PIK3C2A: variants seen among roughly 807,000 people sequenced by gnomAD.
PIK3C2A encodes phosphatidylinositol-4-phosphate 3-kinase catalytic subunit type 2 alpha, also known as phosphatidylinositol 4-phosphate 3-kinase C2 domain-containing subunit alpha.
Under a neutral mutation model 204.5 loss-of-function variants are expected in PIK3C2A, and 97 were observed. That is an observed-to-expected ratio of 0.47 (90% CI 0.40 to 0.56). PIK3C2A has a LOEUF of 0.56. Ranked by LOEUF, PIK3C2A falls within the 20% of genes least tolerant of loss-of-function variation. The pLI is 0.00. For missense variants in PIK3C2A, 1,735 were observed against 1,969.2 expected, an observed-to-expected ratio of 0.88 and a Z score of 2.25; for synonymous variants, 653 against 664.4, an observed-to-expected ratio of 0.98 and a Z score of 0.26.
intron 31 of PIK3C2A, 25 bp from the exon 32 acceptor site, chr11:17,091,484 T>G: frequency 6.2e-7 from 1 of 1,610,458 alleles, no homozygotes; most frequent in Non-Finnish European, 8.5e-7. Context: ...AGTCCCTTAA[T>G]AGTAATGCTT....
chr11:17,207,181 T>C (rs1169173873), intron 1 of PIK3C2A, among the ~76,000 whole-genome samples: 1 of 152,212 alleles, frequency 6.6e-6, no homozygotes, highest in Non-Finnish European at 1.5e-5. Context: ...TCTTCAATTA[T>C]TTATGATTCC....
intron 4 of PIK3C2A, among the ~76,000 whole-genome samples, chr11:17,149,363 A>G (rs557454711): frequency 2.6e-5 from 4 of 152,100 alleles, no homozygotes; most frequent in Admixed American, 6.6e-5. Context: ...TAAACTAAAA[A>G]TAAATAAGGT....
chr11:17,107,780 C>A (rs184847918), intron 22 of PIK3C2A, among the ~76,000 whole-genome samples: 10 of 152,360 alleles, frequency 6.6e-5, no homozygotes, highest in Admixed American at 5.2e-4. Flanking sequence ...TTGACCAAGG[C>A]TGCCAGGGTA....
chr11:17,177,041 T>TA (rs1017354331), intron 1 of PIK3C2A, among the ~76,000 whole-genome samples: 1 of 152,140 alleles, frequency 6.6e-6, no homozygotes, highest in Non-Finnish European at 1.5e-5. Flanking sequence ...ATCTGCTCAG[T>TA]CTCACAGCAG....
chr11:17,153,632 C>G (rs1369150759), intron 3 of PIK3C2A, among the ~76,000 whole-genome samples: 1 of 152,108 alleles, frequency 6.6e-6, no homozygotes, highest in Non-Finnish European at 1.5e-5. Flanking sequence ...TTTAATTTCA[C>G]AGATGAGAAA....
chr11:17,104,657 G>A (rs1009860208), intron 23 of PIK3C2A, among the ~76,000 whole-genome samples: 3 of 150,766 alleles, frequency 2.0e-5, no homozygotes, highest in East Asian at 3.9e-4. Context: ...CCCAGGAGGC[G>A]GAGCTTGCAG....
At chr11:17,094,505 G>C (rs762614065) in intron 27 of PIK3C2A, 120 bp from the exon 28 acceptor site, 4 of 672,518 alleles carry the variant, frequency 5.9e-6, no homozygotes, top group Non-Finnish European at 9.9e-6. Flanking sequence ...GGGTGGATCA[G>C]CTGAGGTCAG....
At chr11:17,193,586 G>A (rs1393708445) in intron 1 of PIK3C2A, 18 of 387,344 alleles carry the variant, frequency 4.6e-5, no homozygotes, top group South Asian at 2.2e-4. Flanking sequence ...GGTGGCTTAC[G>A]CCCGTAATCC....
Position 17,169,728 on chromosome 11 carries a change from G to T in PIK3C2A, c.14C>A (p.Ser5Tyr), listed in dbSNP as rs2137490420. The change falls in exon 2 of 33, where the codon TCT (serine) becomes TAT (tyrosine). Residue 5 changes from serine to tyrosine, a missense_variant. Ser to Tyr is a moderately radical substitution (Grantham distance 144, BLOSUM62 -2). Transcript: ENST00000691414. Reference sequence around the variant, plus strand: ...ACATTCTTTAAATCCGCTGTTGCTAGATATCTGAGCCATGTCCACTAAAAA... The same window carrying T: ...ACATTCTTTAAATCCGCTGTTGCTATATATCTGAGCCATGTCCACTAAAAA... MAQI[S>Y]SNSGFKECPS... The T allele has an allele frequency of 2.5e-6, 4 of 1,599,218 alleles. No individual in the cohort carries two copies. In the Middle Eastern group the frequency reaches 6.6e-4, roughly 265 times the overall value.
intron 17 of PIK3C2A, 48 bp downstream of exon 17, chr11:17,119,172 A>G (rs770624367): frequency 1.6e-5 from 18 of 1,092,810 alleles, no homozygotes; most frequent in South Asian, 4.1e-5. Context: ...GTTCCCATAA[A>G]AAACTAGAGT....
rs1848974774 is a variant in PIK3C2A at position 17,110,703 on chromosome 11, C to A, written c.3415-142G>T. 9.9e-6 allele frequency: 6 copies of A among 603,282 alleles called. No individual in the cohort carries two copies. The South Asian group carries it at 1.2e-4, about 12-fold the overall frequency. 37.4% of individuals were successfully genotyped at this position (603,282 alleles called of 1,614,324 possible). ...GGTCAGGAGTTCGAGATCAGCCTGG[C>A]CAACATGGTGGAAACCCCGCCTCTA... On this transcript the variant is annotated intron_variant, in intron 21 of 32. Transcript: ENST00000691414.
At position 17,112,559 on chromosome 11, in the gene PIK3C2A, A is replaced by C; in HGVS notation, c.3414+15T>G. On this transcript the variant is annotated intron_variant, in intron 21 of 32. Transcript: ENST00000691414. ...TCTAAATTGCCATTAAAAAACAGTA[A>C]CATTATTTACTCACCTTAAACATGA... is the stretch of plus-strand genomic sequence containing the variant. The C allele has an allele frequency of 7.9e-7, 1 of 1,269,492 alleles. No homozygotes were observed. Among genetic ancestry groups the C allele is most frequent in the East Asian group, 2.5e-5 (1 of 39,800 alleles). 78.6% of individuals were successfully genotyped at this position (1,269,492 alleles called of 1,614,324 possible).
chr11:17,184,263 G>A (rs1851677402), intron 1 of PIK3C2A, among the ~76,000 whole-genome samples: 1 of 151,432 alleles, frequency 6.6e-6, no homozygotes, highest in African/African-American at 2.4e-5. Flanking sequence ...CCTCAAGTAG[G>A]TCCTTCAGGA....
chr11:17,180,657 A>G (rs993204353), intron 1 of PIK3C2A, among the ~76,000 whole-genome samples: 1 of 152,156 alleles, frequency 6.6e-6, no homozygotes, highest in Non-Finnish European at 1.5e-5. Context: ...CCCCATCTGT[A>G]CTAAAAATAC....
intron 8 of PIK3C2A, among the ~76,000 whole-genome samples, chr11:17,141,800 T>C (rs115516039): frequency 5.5e-4 from 84 of 152,334 alleles, no homozygotes; most frequent in African/African-American, 1.9e-3. Flanking sequence ...CTACTGCAGT[T>C]GACTAGAGTA....
chr11:17,134,444 C>A (rs1404022458), intron 11 of PIK3C2A, among the ~76,000 whole-genome samples: 1 of 152,078 alleles, frequency 6.6e-6, no homozygotes, highest in East Asian at 1.9e-4. Context: ...TCACCGCAAC[C>A]TCCACCTCCT....
chr11:17,205,446 C>T lies in PIK3C2A; in HGVS notation c.-66+2402G>A, dbSNP rs529732606. Reference sequence around the variant, plus strand: ...CCAAGATCGTGCCACTGCACTCCAGCCTCGTCAACAGAGTGAGACTCCATC... The same window carrying T: ...CCAAGATCGTGCCACTGCACTCCAGTCTCGTCAACAGAGTGAGACTCCATC... On this transcript the variant is annotated intron_variant, in intron 1 of 32. Coordinates refer to ENST00000691414, the MANE Select transcript of PIK3C2A (RefSeq NM_002645.4). Among the ~76,000 whole-genome samples, 7 of 142,304 alleles carry T rather than the reference C, an allele frequency of 4.9e-5. No homozygotes were observed. In the East Asian group the frequency reaches 1.3e-3, roughly 27 times the overall value. The allele number at this position is 142,304 out of a possible 152,430, so 93.4% of individuals were successfully genotyped here.
At chr11:17,203,331 A>C (rs1054779225) in intron 1 of PIK3C2A, among the ~76,000 whole-genome samples, 1 of 151,852 alleles carries the variant, frequency 6.6e-6, no homozygotes, top group African/African-American at 2.4e-5. Flanking sequence ...CATCTCTATT[A>C]GAAAAAAAAA....
At chr11:17,115,197 T>G (rs2137325639) in intron 19 of PIK3C2A, among the ~76,000 whole-genome samples, 1 of 151,992 alleles carries the variant, frequency 6.6e-6, no homozygotes, top group South Asian at 2.1e-4. Flanking sequence ...TAGGAGGACT[T>G]ACATTGTCCA....
Sources: allele counts gnomAD v4.1 joint callset (sites outside exome capture counted in the v4.1 genomes callset), GRCh38; gene constraint gnomAD v4.1.1; transcripts MANE v1.5; gene names NCBI Gene and HGNC (gene_info 2026-07-23, HGNC 2026-07-21).